The following CHAT variants were observed in gnomAD, a reference collection of about 807,000 sequenced individuals.
CHAT encodes the protein acetyl CoA:choline O-acetyltransferase.
CHAT carries 61 observed loss-of-function variants against 76.9 expected under a neutral mutation model. That is an observed-to-expected ratio of 0.79 (90% CI 0.65 to 0.98). The LOEUF is 0.98. Ranked by LOEUF, CHAT falls within the 50% of genes least tolerant of loss-of-function variation. The pLI is 0.00. For synonymous variants in CHAT, 407 were observed against 397.4 expected, an observed-to-expected ratio of 1.02 and a Z score of -0.29; for missense variants, 946 against 986.9, an observed-to-expected ratio of 0.96 and a Z score of 0.56.
chr10:49,615,749 A>C, intron 1 of CHAT: 1 of 493,570 alleles, frequency 2.0e-6, no homozygotes, highest in Admixed American at 3.4e-5. Flanking sequence ...TGTACCTTCA[A>C]AATTAATCTG....
In CHAT at chr10:49,662,752, G is replaced by A. The variant is rs1161900696; in HGVS notation, c.1947G>A (p.Met649Ile). The part of the protein sequence containing the change: ...PEMFMDETYL[M>I]SNRFVLSTSQ... Reference sequence around the variant, plus strand: ...TGTTCATGGATGAAACCTACCTGATGAGCAACCGGTTTGTCCTCTCCACTA... The same window carrying A: ...TGTTCATGGATGAAACCTACCTGATAAGCAACCGGTTTGTCCTCTCCACTA... The change falls in exon 14 of 15, where the codon ATG becomes ATA. Residue 649 changes from methionine (M) to isoleucine (I), a missense_variant. Physicochemically the swap from Met to Ile is conservative, Grantham distance 10 (BLOSUM62 1). Transcript: ENST00000337653. The A allele has an allele frequency of 1.9e-6, 3 of 1,614,224 alleles. No individual in the cohort carries two copies. The South Asian group carries it at 3.3e-5, about 18-fold the overall frequency.
At chr10:49,645,729 C>G (rs1320545002) in intron 7 of CHAT, among the ~76,000 whole-genome samples, 4 of 152,304 alleles carry the variant, frequency 2.6e-5, no homozygotes, top group Admixed American at 6.5e-5. Flanking sequence ...TGTCTGTACT[C>G]TTCCAGTGCC....
rs574068422 is a variant in CHAT, at chr10:49,633,520, G to A, written c.1111+5735G>A. 3.9e-5 allele frequency among the ~76,000 whole-genome samples: 6 copies of A among 152,322 alleles called. No homozygotes were observed. In the South Asian group the frequency reaches 1.0e-3, roughly 26 times the overall value. On this transcript the variant is annotated intron_variant, in intron 7 of 14. Coordinates refer to ENST00000337653, the MANE Select transcript of CHAT (RefSeq NM_020549.5). ...GCCTAGCCAGCCTGAGACCTGCAGT[G>A]CCAGGGAGGCCAGGTGGGATTCTGA...
intron 7 of CHAT, among the ~76,000 whole-genome samples, chr10:49,630,937 A>T (rs1181123685): frequency 6.6e-6 from 1 of 152,186 alleles, no homozygotes; most frequent in East Asian, 1.9e-4. Flanking sequence ...AGCCTCCTGG[A>T]AAGTGGGAAA....
At position 49,655,292 on chromosome 10, in the gene CHAT, C is replaced by T; in HGVS notation, c.1776+56C>T. The T allele has an allele frequency of 2.5e-6, 4 of 1,613,802 alleles. No homozygotes were observed. In the Admixed American group the frequency reaches 6.7e-5, roughly 27 times the overall value. On this transcript the variant is annotated intron_variant, in intron 12 of 14. Transcript: ENST00000337653. Reference sequence around the variant, plus strand: ...AAACCAGTGAGGCTGCTGTGGTTGCCCTGGGTTGCAGTGGGCTCGGCCCTC... The same window carrying T: ...AAACCAGTGAGGCTGCTGTGGTTGCTCTGGGTTGCAGTGGGCTCGGCCCTC...
rs1051707459 is a variant in CHAT at position 49,616,225 on chromosome 10, G to T, written c.287-277G>T. 4.7e-5 allele frequency: 44 copies of T among 939,330 alleles called. No individual in the cohort carries two copies. In the African/African-American group the frequency reaches 6.4e-4, roughly 14 times the overall value. 58.2% of individuals were successfully genotyped at this position (939,330 alleles called of 1,614,324 possible). A position where few individuals can be genotyped will look rare whatever the true frequency, so the allele number is the denominator to read the frequency against. On this transcript the variant is annotated intron_variant, in intron 1 of 14. Transcript: ENST00000337653. ...CCTGGTGGATTTGGATTGCCCCAGG[G>T]TGGTCAGCTGGCCTTGGGTGACAAC... is the stretch of plus-strand genomic sequence containing the variant.
chr10:49,654,221 C>A (rs1161771332), intron 11 of CHAT, among the ~76,000 whole-genome samples: 1 of 152,188 alleles, frequency 6.6e-6, no homozygotes, highest in Admixed American at 6.5e-5. Context: ...AAGGTCATTC[C>A]CTTGCTCACC....
chr10:49,616,829 T>C (rs1838516113), intron 2 of CHAT, among the ~76,000 whole-genome samples: 1 of 152,182 alleles, frequency 6.6e-6, no homozygotes, highest in African/African-American at 2.4e-5. Flanking sequence ...TGCTAAGAGC[T>C]TAACTTCCAA....
rs199926163 is a variant in CHAT at position 49,655,423 on chromosome 10, G to A, written c.1814G>A (p.Arg605His). 110 of 1,613,896 alleles carry A rather than the reference G, an allele frequency of 6.8e-5. No individual in the cohort carries two copies. The highest frequency in any genetic ancestry group is 8.3e-5 in the Non-Finnish European group (98 of 1,180,006). The change falls in exon 13 of 15, where the codon CGT becomes CAT. Residue 605 changes from arginine (R) to histidine (H), a missense_variant. Physicochemically the swap from Arg to His is conservative, Grantham distance 29 (BLOSUM62 0). Around this residue, in one of 3 missense-constraint regions of CHAT, gnomAD observed 349 missense variants for 393.9 expected, o/e 0.89. Transcript: ENST00000337653. ...CTTCTGCTCCTGAAGGATGCCATCCGTGCCCAGACTGCATACACAGTCATG... is the reference window on the plus strand; with the variant it reads ...CTTCTGCTCCTGAAGGATGCCATCCATGCCCAGACTGCATACACAGTCATG... ...EKLLLLKDAI[R>H]AQTAYTVMAI...
rs200423662 is a variant in CHAT at position 49,625,578 on chromosome 10, C to T, written c.858C>T (p.Thr286=). 3.9e-5 allele frequency: 63 copies of T among 1,610,816 alleles called. No homozygotes were observed. The Admixed American group carries it at 8.9e-4, about 23-fold the overall frequency. Reference sequence around the variant, plus strand: ...CCTCCTACCGGCTCCCCGGCCATACCCAGGACACGCTGGTGGCTCAGAACA... The same window carrying T: ...CCTCCTACCGGCTCCCCGGCCATACTCAGGACACGCTGGTGGCTCAGAACA... ...LFSSYRLPGH[T]QDTLVAQNSS... The change falls in exon 6 of 15, where the codon ACC becomes ACT. Residue 286 remains threonine (T), a synonymous_variant. Transcript: ENST00000337653.
chr10:49,622,730 A>G (rs1405018258), intron 5 of CHAT, among the ~76,000 whole-genome samples: 1 of 152,208 alleles, frequency 6.6e-6, no homozygotes, highest in African/African-American at 2.4e-5. Flanking sequence ...CTCTCAAGGT[A>G]GAGACTATAA....
At chr10:49,626,851 C>G (rs551185180) in intron 6 of CHAT, among the ~76,000 whole-genome samples, 1 of 152,262 alleles carries the variant, frequency 6.6e-6, no homozygotes, top group Non-Finnish European at 1.5e-5. Context: ...TACAAAATGA[C>G]AAAACCACAG....
chr10:49,660,630 A>C (rs1473125329), intron 13 of CHAT, among the ~76,000 whole-genome samples: 2 of 152,190 alleles, frequency 1.3e-5, no homozygotes, highest in Non-Finnish European at 2.9e-5. Flanking sequence ...AAAATGACCT[A>C]GGCTTTTGGT....
chr10:49,623,570 A>G lies in CHAT; in HGVS notation c.752+1420A>G, dbSNP rs186162199. On this transcript the variant is annotated intron_variant, in intron 5 of 14. Coordinates refer to ENST00000337653, the MANE Select transcript of CHAT (RefSeq NM_020549.5). ...AGACAGTCACTTAAACAGACACAAA[A>G]TACAGCTGTGTCCCTTCCCCTGAGT... Among the ~76,000 whole-genome samples, 174 of 152,230 alleles carry G rather than the reference A, an allele frequency of 1.1e-3. 1 individual carries two copies. Among genetic ancestry groups the G allele is most frequent in the Non-Finnish European group, 6.8e-4 (46 of 68,014 alleles).
At chr10:49,653,859 G>C (rs1411659856) in intron 11 of CHAT, among the ~76,000 whole-genome samples, 1 of 152,248 alleles carries the variant, frequency 6.6e-6, no homozygotes, top group African/African-American at 2.4e-5. Context: ...GCACTTCCAA[G>C]TTTCAGATCC....
intron 5 of CHAT, among the ~76,000 whole-genome samples, chr10:49,625,113 G>A (rs922683347): frequency 3.3e-5 from 5 of 152,190 alleles, no homozygotes; most frequent in African/African-American, 1.2e-4. Context: ...AAAGGAGTAG[G>A]CTCTTGAAGG....
chr10:49,635,464 T>C (rs1040790420), intron 7 of CHAT, among the ~76,000 whole-genome samples: 5 of 152,218 alleles, frequency 3.3e-5, no homozygotes, highest in African/African-American at 1.2e-4. Context: ...AATTTCTAGG[T>C]CACACCATAA....
intron 7 of CHAT, among the ~76,000 whole-genome samples, chr10:49,641,360 CAG>C (rs1426236206): frequency 6.6e-6 from 1 of 152,188 alleles, no homozygotes. Context: ...CGCCATCTTT[CAG>C]AGTCTTCTTA....
chr10:49,631,212 G>A (rs898798383), intron 7 of CHAT, among the ~76,000 whole-genome samples: 6 of 152,158 alleles, frequency 3.9e-5, no homozygotes, highest in African/African-American at 7.2e-5. Context: ...TCAGGCAGCC[G>A]TAACAAAGTA....
Sources: gnomAD v4.1 joint callset for allele counts (sites outside exome capture counted in the v4.1 genomes callset) on GRCh38, gnomAD v4.1.1 for gene constraint, gnomAD v4.1.1 regional missense constraint, MANE v1.5 for transcripts, NCBI Gene and HGNC (gene_info 2026-07-23, HGNC 2026-07-21) for gene names.